CUL2: variants seen among roughly 807,000 people sequenced by gnomAD.
CUL2 encodes the protein cullin-2.
A neutral mutation model predicts 110.2 loss-of-function variants in CUL2; 22 were observed. That is an observed-to-expected ratio of 0.20 (90% CI 0.14 to 0.28). The LOEUF (loss-of-function observed/expected upper bound fraction) is 0.28. Among genes scored for constraint, CUL2 ranks in the 10% least tolerant of loss-of-function variants. The pLI, the probability that CUL2 is intolerant of heterozygous loss-of-function variation, is 1.00. For synonymous variants in CUL2, 279 were observed against 293.2 expected, an observed-to-expected ratio of 0.95 and a Z score of 0.49; for missense variants, 631 against 905.5, an observed-to-expected ratio of 0.70 and a Z score of 3.89.
intron 6 of CUL2, 79 bp from the exon 7 acceptor site, chr10:35,044,947 G>A (rs1193225665): frequency 1.0e-6 from 1 of 968,670 alleles, no homozygotes; most frequent in Non-Finnish European, 1.6e-6. Context: ...GCCAAAATAT[G>A]GCTCCTTATT....
intron 1 of CUL2, among the ~76,000 whole-genome samples, chr10:35,086,859 C>T (rs2087077779): frequency 6.6e-6 from 1 of 152,230 alleles, no homozygotes; most frequent in African/African-American, 2.4e-5. Context: ...CTATTTAACA[C>T]TCTAAAAAAT....
At chr10:35,117,227 T>C (rs1448774123) in intron 1 of CUL2, among the ~76,000 whole-genome samples, 2 of 152,078 alleles carry the variant, frequency 1.3e-5, no homozygotes, top group Non-Finnish European at 2.9e-5. Context: ...CTAGAAGAAT[T>C]GCGGAATTCA....
At chr10:35,078,440 C>T (rs1028059449) in intron 1 of CUL2, among the ~76,000 whole-genome samples, 2 of 151,992 alleles carry the variant, frequency 1.3e-5, no homozygotes, top group African/African-American at 4.8e-5. Context: ...GAATTACAGG[C>T]TTGCGCCACC....
chr10:35,014,610 A>ATTAC (rs2084981471), intron 18 of CUL2, among the ~76,000 whole-genome samples: 1 of 152,010 alleles, frequency 6.6e-6, no homozygotes, highest in African/African-American at 2.4e-5. Context: ...AGGTGGGCAG[A>ATTAC]TTACTTGAGC....
intron 16 of CUL2, among the ~76,000 whole-genome samples, chr10:35,025,762 G>C (rs926096429): frequency 6.6e-6 from 1 of 151,974 alleles, no homozygotes; most frequent in South Asian, 2.1e-4. Flanking sequence ...TGTAATTACA[G>C]AACAAAAATA....
Position 35,032,480 on chromosome 10 carries a change from A to C in CUL2, c.1125T>G (p.Val375=). 6.3e-7 allele frequency: 1 copy of C among 1,592,244 alleles called. No homozygotes were observed. The highest frequency in any genetic ancestry group is 1.2e-5 in the South Asian group (1 of 86,848). Residue 375 remains valine, a synonymous_variant, in exon 12 of 21, where the codon GTT becomes GTG. Transcript: ENST00000374749. ...MSALDKALTS[V]VNYREPKSVC... is the part of the protein sequence containing the mutation. ...CAGACTTAGGTTCTCTGTAATTTAC[A>C]ACTGACGTAAGGGCCTGAATAAAAA... is the stretch of plus-strand genomic sequence containing the variant.
chr10:35,091,371 C>T (rs994250795), upstream of CUL2, among the ~76,000 whole-genome samples: 1 of 152,184 alleles, frequency 6.6e-6, no homozygotes, highest in African/African-American at 2.4e-5. Flanking sequence ...GTCCCTAGAG[C>T]CTTCCTCCTC....
rs766470371 is a variant in CUL2 at position 35,025,119 on chromosome 10, A to G, written c.1684+13T>C. The G allele has an allele frequency of 6.7e-7, 1 of 1,490,684 alleles. No individual in the cohort carries two copies. Among genetic ancestry groups the G allele is most frequent in the Non-Finnish European group, 8.9e-7 (1 of 1,123,412 alleles). 92.3% of individuals were successfully genotyped at this position (1,490,684 alleles called of 1,614,324 possible). A position where few individuals can be genotyped will look rare whatever the true frequency, so the allele number is the denominator to read the frequency against. ...AAATTTCATTAAGCCAGATATAATT[A>G]AATGCATTTTACCTGTACACAGATA... On this transcript the variant is annotated intron_variant, in intron 17 of 20. Coordinates refer to ENST00000374749, the MANE Select transcript of CUL2 (RefSeq NM_003591.4).
At chr10:35,035,503 T>C (rs1038904671) in intron 9 of CUL2, among the ~76,000 whole-genome samples, 1 of 152,216 alleles carries the variant, frequency 6.6e-6, no homozygotes, top group Non-Finnish European at 1.5e-5. Flanking sequence ...AGATATTTTG[T>C]GCAAATTCAA....
At chr10:35,094,537 A>G (rs918694306), upstream of CUL2, among the ~76,000 whole-genome samples, 9 of 152,182 alleles carry the variant, frequency 5.9e-5, no homozygotes, top group Admixed American at 2.0e-4. Flanking sequence ...ACCCAGCTAG[A>G]GTAATTTTTA....
intron 1 of CUL2, 22 bp from the exon 2 acceptor site, chr10:35,071,361 C>T: frequency 6.3e-7 from 1 of 1,583,022 alleles, no homozygotes; most frequent in Non-Finnish European, 8.6e-7. Context: ...AAAACAATAA[C>T]AATGTTAGCA....
At chr10:35,076,585 T>C (rs146434757) in intron 1 of CUL2, among the ~76,000 whole-genome samples, 16 of 152,276 alleles carry the variant, frequency 1.1e-4, no homozygotes, top group Non-Finnish European at 1.8e-4. Context: ...ACGACCTCAT[T>C]GCCACCTCCC....
chr10:35,074,156 GATCTTGCCCTT>G (rs2135006336), intron 1 of CUL2: 1 of 1,531,352 alleles, frequency 6.5e-7, no homozygotes, highest in Non-Finnish European at 8.7e-7. Flanking sequence ...CAGAATCTCA[GATCTTGCCCTT>G]ATCAAAGACA....
At chr10:35,038,436 G>A (rs1216489764) in intron 9 of CUL2, among the ~76,000 whole-genome samples, 2 of 128,510 alleles carry the variant, frequency 1.6e-5, no homozygotes, top group Non-Finnish European at 3.1e-5. Context: ...TGAGGCAGGA[G>A]AATCACTTGA....
chr10:35,066,307 CTT>C (rs915291009), intron 2 of CUL2, among the ~76,000 whole-genome samples: 7 of 145,544 alleles, frequency 4.8e-5, no homozygotes, highest in South Asian at 4.3e-4. Flanking sequence ...AATTTGCTGA[CTT>C]TTTTTTTTTT....
chr10:35,012,985 G>T (rs923531899), intron 19 of CUL2, among the ~76,000 whole-genome samples: 16 of 152,112 alleles, frequency 1.1e-4, no homozygotes, highest in Admixed American at 5.2e-4. Flanking sequence ...AAGATGCCCA[G>T]GTGGCTCATT....
intron 8 of CUL2, among the ~76,000 whole-genome samples, chr10:35,040,378 C>T (rs913367992): frequency 1.3e-5 from 2 of 152,242 alleles, no homozygotes; most frequent in Middle Eastern, 6.8e-3. Context: ...CAGACAAATG[C>T]ACCGGCTTGG....
At chr10:35,041,310 G>C (rs547505941) in intron 8 of CUL2, among the ~76,000 whole-genome samples, 8 of 152,308 alleles carry the variant, frequency 5.3e-5, no homozygotes, top group African/African-American at 1.4e-4. Flanking sequence ...TTGGGAGAGA[G>C]AGGCGCATAT....
intron 2 of CUL2, among the ~76,000 whole-genome samples, chr10:35,098,756 C>A (rs1157821652): frequency 6.6e-6 from 1 of 151,008 alleles, no homozygotes; most frequent in Non-Finnish European, 1.5e-5. Flanking sequence ...CATGGCGAAA[C>A]CCCATCTCTA....
Sources: allele counts gnomAD v4.1 joint callset (sites outside exome capture counted in the v4.1 genomes callset), GRCh38; gene constraint gnomAD v4.1.1; transcripts MANE v1.5; gene names NCBI Gene and HGNC (gene_info 2026-07-23, HGNC 2026-07-21).